Variants in ITGA4 observed in about 807,000 individuals in gnomAD.
ITGA4 encodes the protein integrin alpha-4.
ITGA4 carries 63 observed loss-of-function variants against 133.6 expected under a neutral mutation model. That is an observed-to-expected ratio of 0.47 (90% CI 0.38 to 0.58). The LOEUF is 0.58. ITGA4 is among the 20% of genes least tolerant of loss of function. ITGA4 has a pLI of 0.00. For synonymous variants in ITGA4, 483 were observed against 438.0 expected (o/e 1.10, Z -1.28); for missense variants, 1,076 against 1,252.7 (o/e 0.86, Z 2.13).
chr2:181,519,838 T>C (rs888594386), intron 17 of ITGA4, among the ~76,000 whole-genome samples: 5 of 151,970 alleles, frequency 3.3e-5, no homozygotes, highest in African/African-American at 1.2e-4. Context: ...TTTATGCTGA[T>C]ACTTTCATAG....
rs1687052537 is a variant in ITGA4 at position 181,535,603 on chromosome 2, G to GA, written c.*82dup. 4 of 1,490,056 alleles carry GA rather than the reference G, an allele frequency of 2.7e-6. No homozygotes were observed. Among genetic ancestry groups the GA allele is most frequent in the African/African-American group, 2.8e-5 (2 of 71,102 alleles). 92.3% of individuals were successfully genotyped at this position (1,490,056 alleles called of 1,614,324 possible). ...GAAATTTAAAAGACACTGTTTACAA[G>GA]AAAAAATGAATTTTGTTTGGACTTC... On this transcript the variant is annotated 3_prime_UTR_variant, in exon 28 of 28. Coordinates refer to ENST00000397033, the MANE Select transcript of ITGA4 (RefSeq NM_000885.6).
At chr2:181,489,799 A>C (rs1433165385) in intron 10 of ITGA4, among the ~76,000 whole-genome samples, 2 of 152,040 alleles carry the variant, frequency 1.3e-5, no homozygotes, top group Non-Finnish European at 2.9e-5. Context: ...CATCCACCCC[A>C]CACAACCTCT....
intron 4 of ITGA4, among the ~76,000 whole-genome samples, chr2:181,478,238 T>G (rs910069604): frequency 3.9e-5 from 6 of 151,992 alleles, no homozygotes; most frequent in Admixed American, 6.6e-5. Flanking sequence ...GTGAAAGATG[T>G]TGGCATTTGT....
chr2:181,505,692 T>C (rs1053940100), intron 15 of ITGA4, among the ~76,000 whole-genome samples: 1 of 152,128 alleles, frequency 6.6e-6, no homozygotes, highest in African/African-American at 2.4e-5. Flanking sequence ...CAAGAGTGCA[T>C]GTACATTTTA....
chr2:181,482,333 C>T (rs1405486342), intron 7 of ITGA4, 27 bp from the exon 8 acceptor site: 4 of 1,573,966 alleles, frequency 2.5e-6, no homozygotes, highest in African/African-American at 1.4e-5. Context: ...TTCCTAAAAA[C>T]TTTTCTAATT....
At position 181,509,652 on chromosome 2, in the gene ITGA4, C is replaced by T. The variant is rs1476313258; in HGVS notation, c.1696-6C>T. 7 of 1,559,724 alleles carry T rather than the reference C, an allele frequency of 4.5e-6. No individual in the cohort carries two copies. The South Asian group carries it at 5.0e-5, about 11-fold the overall frequency. ...TGTTAATTCATATGGTGGTTATTTT[C>T]CTTAGAAAGATGTGCGGGACATCCT... On this transcript the variant is annotated splice_region_variant and splice_polypyrimidine_tract_variant and intron_variant, in intron 15 of 27. Coordinates refer to ENST00000397033, the MANE Select transcript of ITGA4 (RefSeq NM_000885.6).
intron 16 of ITGA4, 92 bp downstream of exon 16, chr2:181,509,899 G>A (rs56332230): frequency 0.031 from 28,084 of 897,574 alleles, 636 homozygotes; most frequent in Non-Finnish European, 0.04. Context: ...ACTATATGTC[G>A]GAATTTTTAA....
chr2:181,457,511 C>A lies in ITGA4; in HGVS notation c.-144C>A. The A allele has an allele frequency of 1.3e-6, 1 of 758,278 alleles. No individual in the cohort carries two copies. Among genetic ancestry groups the A allele is most frequent in the Non-Finnish European group, 2.1e-6 (1 of 486,648 alleles). The allele number at this position is 758,278 out of a possible 1,614,324, so 47.0% of individuals were successfully genotyped here. A position where few individuals can be genotyped will look rare whatever the true frequency, so the allele number is the denominator to read the frequency against. On this transcript the variant is annotated 5_prime_UTR_variant, in exon 1 of 28. Coordinates refer to ENST00000397033, the MANE Select transcript of ITGA4 (RefSeq NM_000885.6). ...CGGTGGGCCGACTTCCCCTCCTCTT[C>A]CCTCTCTCCTTCCTTTAGCCCGCTG...
chr2:181,472,400 T>A (rs1701593385), intron 2 of ITGA4, among the ~76,000 whole-genome samples: 1 of 152,224 alleles, frequency 6.6e-6, no homozygotes, highest in South Asian at 2.1e-4. Flanking sequence ...AAATATTGGA[T>A]GTAATCGTAA....
intron 2 of ITGA4, among the ~76,000 whole-genome samples, chr2:181,466,669 G>T (rs1428326834): frequency 6.6e-6 from 1 of 152,120 alleles, no homozygotes; most frequent in Non-Finnish European, 1.5e-5. Context: ...TTAACTAGAT[G>T]TGTGAAAAGA....
chr2:181,500,097 A>G (rs921505811), intron 15 of ITGA4, among the ~76,000 whole-genome samples: 3 of 152,176 alleles, frequency 2.0e-5, no homozygotes, highest in Non-Finnish European at 4.4e-5. Context: ...TTGCCTTTGT[A>G]CCATATTGCA....
intron 10 of ITGA4, among the ~76,000 whole-genome samples, chr2:181,488,908 T>C (rs1559044854): frequency 6.6e-6 from 1 of 152,184 alleles, no homozygotes; most frequent in South Asian, 2.1e-4. Flanking sequence ...GCGTTTTCTA[T>C]ATTTTAGATA....
chr2:181,498,293 G>C (rs1686197848), intron 14 of ITGA4: 1 of 160,588 alleles, frequency 6.2e-6, no homozygotes, highest in Non-Finnish European at 1.4e-5. Context: ...AGAAAAAAAG[G>C]AATATGAAAC....
chr2:181,474,811 A>C (rs977168834), intron 2 of ITGA4, 149 bp from the exon 3 acceptor site: 2 of 615,728 alleles, frequency 3.2e-6, no homozygotes, highest in Non-Finnish European at 5.7e-6. Context: ...TAGTTGGCAC[A>C]GAGTAATTCA....
chr2:181,538,372 A>AATCT lies in ITGA4; in HGVS notation c.*2847_*2850dup. 8.0e-6 allele frequency: 5 copies of AATCT among 626,736 alleles called. No homozygotes were observed. Among genetic ancestry groups the AATCT allele is most frequent in the Non-Finnish European group, 1.2e-5 (4 of 344,904 alleles). 38.8% of individuals were successfully genotyped at this position (626,736 alleles called of 1,614,324 possible). A position where few individuals can be genotyped will look rare whatever the true frequency, so the allele number is the denominator to read the frequency against. On this transcript the variant is annotated 3_prime_UTR_variant, in exon 28 of 28. Coordinates refer to ENST00000397033, the MANE Select transcript of ITGA4 (RefSeq NM_000885.6). ...AACACAGCATTCCCAACAGAGCTGT[A>AATCT]ATCTAGAAAACTGAGAAGGTCTGAT...
chr2:181,530,101 T>C (rs1173843660), intron 23 of ITGA4, among the ~76,000 whole-genome samples: 1 of 152,248 alleles, frequency 6.6e-6, no homozygotes, highest in Admixed American at 6.5e-5. Flanking sequence ...GTTTTGAGCT[T>C]AACAGGTTGA....
At chr2:181,528,500 T>G (rs898389495) in intron 22 of ITGA4, among the ~76,000 whole-genome samples, 2 of 152,202 alleles carry the variant, frequency 1.3e-5, no homozygotes, top group Non-Finnish European at 2.9e-5. Flanking sequence ...TTTCTGTGTC[T>G]AGTCAACTAT....
chr2:181,530,091 GTT>G (rs927026925), intron 23 of ITGA4, among the ~76,000 whole-genome samples: 1 of 152,114 alleles, frequency 6.6e-6, no homozygotes, highest in Non-Finnish European at 1.5e-5. Flanking sequence ...CATCAGAATT[GTT>G]TTGAGCTTAA....
At chr2:181,492,737 A>C (rs577770174) in intron 10 of ITGA4, among the ~76,000 whole-genome samples, 1 of 152,212 alleles carries the variant, frequency 6.6e-6, no homozygotes, top group Admixed American at 6.5e-5. Context: ...TTTTTCTGAA[A>C]TCCTGTGTGT....
Sources: gnomAD v4.1 joint callset for allele counts (sites outside exome capture counted in the v4.1 genomes callset) on GRCh38, gnomAD v4.1.1 for gene constraint, MANE v1.5 for transcripts, NCBI Gene and HGNC (gene_info 2026-07-23, HGNC 2026-07-21) for gene names.